Variants in TASOR observed in about 807,000 individuals in gnomAD.
The protein encoded by TASOR is transcription activation suppressor, also known as protein TASOR.
A neutral mutation model predicts 178.6 loss-of-function variants in TASOR; 53 were observed. That is an observed-to-expected ratio of 0.30 (90% CI 0.24 to 0.37). The LOEUF (loss-of-function observed/expected upper bound fraction) is 0.37, where lower values mean the gene tolerates loss of function less well. TASOR is among the 10% of genes least tolerant of loss of function. The probability of loss-of-function intolerance (pLI) is 1.00; values close to 1 mark genes in which losing one functional copy is unlikely to be tolerated. For missense variants in TASOR, 1,815 were observed against 1,971.4 expected (o/e 0.92, Z 1.50); for synonymous variants, 713 against 696.2 (o/e 1.02, Z -0.38).
chr3:56,673,627 T>C lies in TASOR; in HGVS notation c.430A>G (p.Asn144Asp), dbSNP rs552091146. 1.6e-4 allele frequency: 244 copies of C among 1,551,322 alleles called. 3 individuals are homozygous for C. In the South Asian group the frequency reaches 2.8e-3, roughly 18 times the overall value. ...TGTACCAAGCAAGCACGTCTGTAGTTAAAATTTGTTACTGAGGTTGGTTCA... is the reference window on the plus strand; with the variant it reads ...TGTACCAAGCAAGCACGTCTGTAGTCAAAATTTGTTACTGAGGTTGGTTCA... ...YLEPTSVTNF[N>D]YRRACLVHNE... The change falls in exon 2 of 24, where the codon AAC becomes GAC. Residue 144 changes from asparagine to aspartate, a missense_variant. Asn to Asp is a conservative substitution (Grantham distance 23). Around this residue, in one of 5 missense-constraint regions of TASOR, gnomAD observed 244 missense variants for 202.7 expected, o/e 1.20. Transcript: ENST00000683822.
chr3:56,652,889 G>C (rs1365753946), intron 11 of TASOR, among the ~76,000 whole-genome samples: 2 of 152,196 alleles, frequency 1.3e-5, no homozygotes, highest in Non-Finnish European at 2.9e-5. Flanking sequence ...AAGTTACTTA[G>C]AATGCAGCAC....
intron 1 of TASOR, among the ~76,000 whole-genome samples, chr3:56,675,205 G>A (rs963564729): frequency 4.8e-5 from 7 of 145,584 alleles, no homozygotes; most frequent in East Asian, 2.1e-4. Flanking sequence ...ATGGAGTTTC[G>A]CTCTTGTTGC....
At chr3:56,660,675 A>G in intron 11 of TASOR, 56 bp downstream of exon 11, 1 of 1,323,294 alleles carries the variant, frequency 7.6e-7, no homozygotes, top group African/African-American at 1.4e-5. Context: ...ATGATCACAC[A>G]TGAATATGCA....
intron 23 of TASOR, chr3:56,623,795 TG>T: frequency 6.4e-7 from 1 of 1,551,406 alleles, no homozygotes; most frequent in Non-Finnish European, 8.7e-7. Flanking sequence ...CGTTTAATGT[TG>T]GGAAATCCCA....
At chr3:56,641,197 CTT>C (rs956302012) in intron 15 of TASOR, 150 bp downstream of exon 15, 1 of 623,870 alleles carries the variant, frequency 1.6e-6, no homozygotes, top group Non-Finnish European at 2.6e-6. Context: ...CAAGGAATAA[CTT>C]AGGAAGTACC....
intron 23 of TASOR, among the ~76,000 whole-genome samples, chr3:56,624,169 C>T (rs917339580): frequency 3.3e-5 from 5 of 152,038 alleles, no homozygotes; most frequent in Non-Finnish European, 7.4e-5. Flanking sequence ...CCTTTGCTGA[C>T]AATAGTAACC....
chr3:56,682,660 G>A lies in TASOR; in HGVS notation c.331+16C>T, dbSNP rs192585528. ...GGGGAGAGAGAGAGGGGGTTGAGAA[G>A]AAGGGGAGGCACCACCTTTCTTTTC... On this transcript the variant is annotated intron_variant, in intron 1 of 23. Coordinates refer to ENST00000683822, the MANE Select transcript of TASOR (RefSeq NM_001365635.2). 9.5e-5 allele frequency: 138 copies of A among 1,451,014 alleles called. No individual in the cohort carries two copies. The highest frequency in any genetic ancestry group is 3.2e-4 in the South Asian group (22 of 68,242). The allele number at this position is 1,451,014 out of a possible 1,614,324, so 89.9% of individuals were successfully genotyped here.
In TASOR at chr3:56,637,010, A is replaced by G. The variant is rs116440974; in HGVS notation, c.2824+1696T>C. 7.1e-3 allele frequency among the ~76,000 whole-genome samples: 1,085 copies of G among 152,186 alleles called. 13 individuals carry two copies. The highest frequency in any genetic ancestry group is 0.025 in the African/African-American group (1,027 of 41,534). ...AACATGGTAAAACCCCGAAATCAGA[A>G]AAGAATTACTGATAGATGCAAAACA... is the stretch of plus-strand genomic sequence containing the variant. On this transcript the variant is annotated intron_variant, in intron 17 of 23. Coordinates refer to ENST00000683822, the MANE Select transcript of TASOR (RefSeq NM_001365635.2).
At chr3:56,674,069 T>C (rs373383505) in intron 1 of TASOR, among the ~76,000 whole-genome samples, 1 of 152,142 alleles carries the variant, frequency 6.6e-6, no homozygotes, top group African/African-American at 2.4e-5. Context: ...TCCTATTTTA[T>C]GTTACACTGA....
At chr3:56,682,070 A>G (rs1251878832) in intron 1 of TASOR, among the ~76,000 whole-genome samples, 1 of 152,248 alleles carries the variant, frequency 6.6e-6, no homozygotes, top group Admixed American at 6.5e-5. Context: ...AAACCTATTT[A>G]ATCTAACGCT....
intron 21 of TASOR, 81 bp from the exon 22 acceptor site, chr3:56,625,087 A>G (rs996580580): frequency 3.4e-5 from 47 of 1,370,802 alleles, no homozygotes; most frequent in African/African-American, 1.7e-4. Context: ...TTAAAATTCA[A>G]TTTCTCCACT....
At chr3:56,671,720 AC>A (rs2030755314) in intron 2 of TASOR, 28 bp from the exon 3 acceptor site, 1 of 1,447,836 alleles carries the variant, frequency 6.9e-7, no homozygotes, top group Non-Finnish European at 9.4e-7. Flanking sequence ...TATAACAACT[AC>A]TTAGCATGTG....
chr3:56,630,926 G>A (rs2076898442), intron 18 of TASOR, among the ~76,000 whole-genome samples: 2 of 134,596 alleles, frequency 1.5e-5, no homozygotes, highest in Admixed American at 7.6e-5. Flanking sequence ...GGGGTGGGGG[G>A]TGGGGGGTGC....
In TASOR at chr3:56,666,830, G is replaced by A. The variant is rs116340171; in HGVS notation, c.898-446C>T. On this transcript the variant is annotated intron_variant, in intron 6 of 23. Coordinates refer to ENST00000683822, the MANE Select transcript of TASOR (RefSeq NM_001365635.2). ...CAAACAAAGTAGCAAAGGGAGATACGGAAAAGAATCTGAACATAGGTGACA... is the reference window on the plus strand; with the variant it reads ...CAAACAAAGTAGCAAAGGGAGATACAGAAAAGAATCTGAACATAGGTGACA... Among the ~76,000 whole-genome samples, 278 of 152,240 alleles carry A rather than the reference G, an allele frequency of 1.8e-3. 3 individuals are homozygous for A. The highest frequency in any genetic ancestry group is 6.8e-3 in the Middle Eastern group (2 of 294).
At chr3:56,672,273 A>G (rs187189316) in intron 2 of TASOR, among the ~76,000 whole-genome samples, 1 of 152,324 alleles carries the variant, frequency 6.6e-6, no homozygotes, top group East Asian at 1.9e-4. Context: ...TTTTATATTC[A>G]GGCTATTACT....
Position 56,621,679 on chromosome 3 carries a change from C to T in TASOR, c.*1358G>A, listed in dbSNP as rs2076656054. ...TCTTCCAAATTATAAAATGTGCTCA[C>T]TGGCTCAACTGTATTTTTCAAATAG... On this transcript the variant is annotated 3_prime_UTR_variant, in exon 24 of 24. Coordinates refer to ENST00000683822, the MANE Select transcript of TASOR (RefSeq NM_001365635.2). 2.7e-6 allele frequency: 3 copies of T among 1,128,052 alleles called. No individual in the cohort carries two copies. Among genetic ancestry groups the T allele is most frequent in the Non-Finnish European group, 3.9e-6 (3 of 772,058 alleles). The allele number at this position is 1,128,052 out of a possible 1,614,324, so 69.9% of individuals were successfully genotyped here. A position where few individuals can be genotyped will look rare whatever the true frequency, so the allele number is the denominator to read the frequency against.
chr3:56,671,543 T>A (rs990190681), intron 3 of TASOR, 57 bp downstream of exon 3: 7 of 1,263,062 alleles, frequency 5.5e-6, no homozygotes, highest in Non-Finnish European at 7.7e-6. Context: ...ATCACAAAAT[T>A]AGTAACTTAC....
chr3:56,662,791 T>C (rs1457180375), intron 8 of TASOR, among the ~76,000 whole-genome samples: 2 of 152,240 alleles, frequency 1.3e-5, no homozygotes, highest in Non-Finnish European at 2.9e-5. Flanking sequence ...TCATCTCTTA[T>C]TTCCTCCAAA....
chr3:56,648,631 CAAAAAAA>C (rs56218279), intron 13 of TASOR, among the ~76,000 whole-genome samples, 184 bp downstream of exon 13: 46 of 84,562 alleles, frequency 5.4e-4, no homozygotes, highest in Admixed American at 1.0e-3. Context: ...AACTCTGTAT[CAAAAAAA>C]AAAAAAAAAA....
Sources: allele counts gnomAD v4.1 joint callset (sites outside exome capture counted in the v4.1 genomes callset), GRCh38; gene constraint gnomAD v4.1.1; regional missense constraint gnomAD v4.1.1; transcripts MANE v1.5; gene names NCBI Gene and HGNC (gene_info 2026-07-23, HGNC 2026-07-21).